SLIT2: variants seen among roughly 807,000 people sequenced by gnomAD.
The protein encoded by SLIT2 is slit guidance ligand 2.
A neutral mutation model predicts 185.7 loss-of-function variants in SLIT2; 41 were observed. The ratio of observed to expected loss-of-function variants is 0.22; its 90% CI spans 0.17 to 0.29. The LOEUF (loss-of-function observed/expected upper bound fraction) is 0.29. SLIT2 is among the 10% of genes least tolerant of loss of function. The probability of loss-of-function intolerance (pLI) is 1.00; values close to 1 mark genes in which losing one functional copy is unlikely to be tolerated. For synonymous variants in SLIT2, 693 were observed against 680.2 expected (o/e 1.02, Z -0.29); for missense variants, 1,571 against 1,909.0 (o/e 0.82, Z 3.30).
intron 4 of SLIT2, among the ~76,000 whole-genome samples, chr4:20,298,637 T>C (rs1051630761): frequency 6.6e-6 from 1 of 152,180 alleles, no homozygotes; most frequent in African/African-American, 2.4e-5. Context: ...GACTTGTTGA[T>C]AAAGCTTATT....
chr4:20,416,273 A>G (rs76120906), intron 4 of SLIT2, among the ~76,000 whole-genome samples: 5,494 of 152,240 alleles, frequency 0.036, 344 homozygotes, highest in African/African-American at 0.12. Flanking sequence ...TTGGTTTGAC[A>G]TCGGGTTCCT....
intron 30 of SLIT2, among the ~76,000 whole-genome samples, chr4:20,595,320 T>C (rs1006492791): frequency 6.6e-6 from 1 of 152,078 alleles, no homozygotes; most frequent in Non-Finnish European, 1.5e-5. Context: ...TTTTATAATC[T>C]CAATGATCAA....
chr4:20,490,401 C>A (rs891007399), intron 8 of SLIT2, among the ~76,000 whole-genome samples: 5 of 89,324 alleles, frequency 5.6e-5, no homozygotes, highest in South Asian at 2.8e-4. Flanking sequence ...ACACACACAC[C>A]CCCATACATA....
intron 11 of SLIT2, among the ~76,000 whole-genome samples, chr4:20,518,324 C>T (rs1355446794): frequency 1.4e-5 from 2 of 138,700 alleles, no homozygotes; most frequent in Non-Finnish European, 3.1e-5. Context: ...GCGATCTCGG[C>T]TCATTGCAAG....
intron 6 of SLIT2, among the ~76,000 whole-genome samples, chr4:20,482,720 T>C (rs1234793890): frequency 1.3e-5 from 2 of 151,992 alleles, no homozygotes; most frequent in Non-Finnish European, 2.9e-5. Context: ...AGTTTGTTTG[T>C]TGAAGAAATA....
At chr4:20,548,985 G>A (rs1723495677) in intron 23 of SLIT2, 72 bp from the exon 24 acceptor site, 5 of 831,356 alleles carry the variant, frequency 6.0e-6, no homozygotes, top group South Asian at 2.8e-5. Context: ...AGCCTTAACT[G>A]CTTTATTTTT....
At chr4:20,344,723 G>T (rs777711819) in intron 4 of SLIT2, among the ~76,000 whole-genome samples, 16 of 152,104 alleles carry the variant, frequency 1.1e-4, no homozygotes, top group Non-Finnish European at 1.0e-4. Context: ...TGTTGAACTT[G>T]ACTTAGTCAA....
At position 20,491,799 on chromosome 4, in the gene SLIT2, C is replaced by T; in HGVS notation, c.814C>T (p.His272Tyr). 6.2e-7 allele frequency: 1 copy of T among 1,613,496 alleles called. No individual in the cohort carries two copies. Among genetic ancestry groups the T allele is most frequent in the South Asian group, 1.1e-5 (1 of 91,016 alleles). ...TATGGCTCCTTCTTGTAGTGTTTTG[C>T]ACTGCCCTGCCGCCTGTACCTGTAG... ...SFMAPSCSVL[H>Y]CPAACTCSNN... Residue 272 changes from histidine (H) to tyrosine (Y), a missense_variant, in exon 9 of 37, where the codon CAC becomes TAC. By Grantham distance (83) the His-to-Tyr change is moderately conservative (BLOSUM62 2). Transcript: ENST00000504154.
intron 4 of SLIT2, among the ~76,000 whole-genome samples, chr4:20,421,615 G>T (rs750709820): frequency 1.3e-5 from 2 of 152,030 alleles, no homozygotes; most frequent in Non-Finnish European, 2.9e-5. Context: ...ACTTGTTTTG[G>T]AAGTATCGAT....
intron 36 of SLIT2, 118 bp downstream of exon 36, chr4:20,617,768 A>G (rs1729796842): frequency 1.5e-6 from 1 of 675,740 alleles, no homozygotes; most frequent in African/African-American, 1.8e-5. Context: ...ACAGAGACAG[A>G]GAGAGGGGAG....
chr4:20,399,834 G>T (rs1726206398), intron 4 of SLIT2, among the ~76,000 whole-genome samples: 1 of 151,708 alleles, frequency 6.6e-6, no homozygotes, highest in African/African-American at 2.4e-5. Context: ...AAGTATGAAG[G>T]TTTTAGCCAC....
chr4:20,524,802 T>G (rs1464220038), intron 14 of SLIT2, among the ~76,000 whole-genome samples: 2 of 152,250 alleles, frequency 1.3e-5, no homozygotes, highest in Non-Finnish European at 2.9e-5. Context: ...AATGAAAGGC[T>G]GCCATCATTC....
At chr4:20,436,322 A>C (rs1306687042) in intron 4 of SLIT2, among the ~76,000 whole-genome samples, 1 of 152,216 alleles carries the variant, frequency 6.6e-6, no homozygotes, top group African/African-American at 2.4e-5. Flanking sequence ...GCTTCAGTAC[A>C]TGTACCTAGC....
chr4:20,327,007 G>C (rs992469520), intron 4 of SLIT2, among the ~76,000 whole-genome samples: 4 of 151,674 alleles, frequency 2.6e-5, no homozygotes, highest in African/African-American at 9.7e-5. Context: ...TCTTAAAACG[G>C]TGAAACTCAT....
At chr4:20,359,522 C>T (rs1465746481) in intron 4 of SLIT2, among the ~76,000 whole-genome samples, 1 of 151,958 alleles carries the variant, frequency 6.6e-6, no homozygotes, top group Non-Finnish European at 1.5e-5. Flanking sequence ...GAGGACATAG[C>T]AAAGGGAGCT....
intron 4 of SLIT2, among the ~76,000 whole-genome samples, chr4:20,269,793 T>G (rs1254204744): frequency 6.6e-6 from 1 of 151,914 alleles, no homozygotes; most frequent in African/African-American, 2.4e-5. Flanking sequence ...AACTTGTCTT[T>G]GTAGCCTACT....
chr4:20,418,337 A>G (rs1727871561), intron 4 of SLIT2, among the ~76,000 whole-genome samples: 1 of 152,168 alleles, frequency 6.6e-6, no homozygotes, highest in Non-Finnish European at 1.5e-5. Flanking sequence ...TTATGTGTAG[A>G]AAAAAACACG....
intron 9 of SLIT2, among the ~76,000 whole-genome samples, chr4:20,498,324 C>G (rs898356721): frequency 6.6e-6 from 1 of 152,220 alleles, no homozygotes; most frequent in Non-Finnish European, 1.5e-5. Context: ...CATCCCAGCA[C>G]TTTGCTGCGT....
chr4:20,354,898 TGTGTGTGTGAGAGAGA>T (rs1466097510), intron 4 of SLIT2, among the ~76,000 whole-genome samples: 5 of 124,186 alleles, frequency 4.0e-5, no homozygotes, highest in Admixed American at 9.2e-5. Flanking sequence ...TGTGTGTGTG[TGTGTGTGTGAGAGAGA>T]GAGAGAGAGA....
Sources: gnomAD v4.1 joint callset for allele counts (sites outside exome capture counted in the v4.1 genomes callset) on GRCh38, gnomAD v4.1.1 for gene constraint, MANE v1.5 for transcripts, NCBI Gene and HGNC (gene_info 2026-07-23, HGNC 2026-07-21) for gene names.